Variants in SPG21 observed in about 807,000 individuals in gnomAD.
SPG21 encodes SPG21 abhydrolase domain containing, maspardin.
Under a neutral mutation model 38.9 loss-of-function variants are expected in SPG21, and 26 were observed. The observed-to-expected ratio is 0.67, with a 90% CI of 0.49 to 0.93. The LOEUF is 0.93. Ranked by LOEUF, SPG21 falls within the 40% of genes least tolerant of loss-of-function variation. SPG21 has a pLI of 0.00. For synonymous variants in SPG21, 136 were observed against 128.9 expected, an observed-to-expected ratio of 1.05 and a Z score of -0.37; for missense variants, 333 against 376.5, an observed-to-expected ratio of 0.88 and a Z score of 0.96.
At chr15:64,984,913 C>T (rs2085959847) in intron 1 of SPG21, among the ~76,000 whole-genome samples, 2 of 151,986 alleles carry the variant, frequency 1.3e-5, no homozygotes, top group South Asian at 4.1e-4. Flanking sequence ...CTGCGCCCGG[C>T]TAATTTTTTG....
chr15:64,987,213 A>G (rs2086014634), intron 1 of SPG21: 1 of 152,244 alleles, frequency 6.6e-6, no homozygotes, highest in African/African-American at 2.4e-5. Context: ...CAGGATGCCA[A>G]CGTGTTAAAA....
At chr15:64,976,379 C>T in intron 4 of SPG21, 96 bp downstream of exon 4, 6 of 821,160 alleles carry the variant, frequency 7.3e-6, no homozygotes, top group Non-Finnish European at 1.2e-5. Context: ...GAGCCGAGAT[C>T]GCGCCACTGC....
intron 4 of SPG21, among the ~76,000 whole-genome samples, chr15:64,976,213 T>A (rs983420542): frequency 1.3e-5 from 2 of 151,516 alleles, no homozygotes; most frequent in Admixed American, 6.6e-5. Context: ...TCACTTGAGG[T>A]CAGGAGTTTG....
At position 64,963,452 on chromosome 15, in the gene SPG21, A is replaced by G. The variant is rs2085486117; in HGVS notation, c.*168T>C. 1 of 652,104 alleles carries G rather than the reference A, an allele frequency of 1.5e-6. No individual in the cohort carries two copies. Among genetic ancestry groups the G allele is most frequent in the Non-Finnish European group, 2.8e-6 (1 of 362,596 alleles). The allele number at this position is 652,104 out of a possible 1,614,324, so 40.4% of individuals were successfully genotyped here. On this transcript the variant is annotated 3_prime_UTR_variant, in exon 9 of 9. Coordinates refer to ENST00000204566, the MANE Select transcript of SPG21 (RefSeq NM_016630.7). ...AAAGAGGGAACAGTTACACAGGCTT[A>G]GTGGAGATGCCGCCTGTCATGAAGA...
chr15:64,973,290 G>C (rs1350484241), intron 5 of SPG21, among the ~76,000 whole-genome samples: 2 of 152,060 alleles, frequency 1.3e-5, no homozygotes, highest in Non-Finnish European at 2.9e-5. Flanking sequence ...TTTAAGGCTA[G>C]AGCCTCGCCT....
At chr15:64,984,449 C>T (rs2085947596) in intron 1 of SPG21, among the ~76,000 whole-genome samples, 1 of 152,124 alleles carries the variant, frequency 6.6e-6, no homozygotes, top group African/African-American at 2.4e-5. Context: ...ACCTCTGAGG[C>T]TCAAGTGATT....
chr15:64,978,449 A>G (rs1460561908), intron 3 of SPG21, among the ~76,000 whole-genome samples: 4 of 152,014 alleles, frequency 2.6e-5, no homozygotes, highest in Non-Finnish European at 5.9e-5. Flanking sequence ...CTCCATCTCC[A>G]AAAAACAAAA....
chr15:64,970,015 C>G, intron 6 of SPG21, 99 bp downstream of exon 6: 1 of 1,003,398 alleles, frequency 1.0e-6, no homozygotes, highest in Non-Finnish European at 1.6e-6. Flanking sequence ...TAGCAAATAC[C>G]TCTTACACAT....
chr15:64,971,874 G>C (rs1261816947), intron 5 of SPG21, among the ~76,000 whole-genome samples: 2 of 152,136 alleles, frequency 1.3e-5, no homozygotes, highest in Non-Finnish European at 2.9e-5. Flanking sequence ...ATCTTGCTCT[G>C]TTGCCCAGGC....
At chr15:64,976,021 T>G (rs1448581583) in intron 4 of SPG21, among the ~76,000 whole-genome samples, 1 of 152,172 alleles carries the variant, frequency 6.6e-6, no homozygotes, top group Non-Finnish European at 1.5e-5. Flanking sequence ...AAACATTGAC[T>G]GCAGTGATGG....
At chr15:64,974,519 G>A in intron 5 of SPG21, 83 bp downstream of exon 5, 1 of 1,514,286 alleles carries the variant, frequency 6.6e-7, no homozygotes, top group South Asian at 1.1e-5. Context: ...GTAGATATAA[G>A]TCTTCCCTTC....
At position 64,980,727 on chromosome 15, in the gene SPG21, G is replaced by A. The variant is rs2085866858; in HGVS notation, c.225+137C>T. The A allele has an allele frequency of 3.9e-6, 4 of 1,033,374 alleles. No individual in the cohort carries two copies. In the East Asian group the frequency reaches 1.1e-4, roughly 28 times the overall value. The allele number at this position is 1,033,374 out of a possible 1,614,324, so 64.0% of individuals were successfully genotyped here. ...CACTCCAGCCCGGGCGACAGAGTGA[G>A]AATCCATCTCAACAAACAAACAAAC... On this transcript the variant is annotated intron_variant, in intron 3 of 8. Coordinates refer to ENST00000204566, the MANE Select transcript of SPG21 (RefSeq NM_016630.7).
At chr15:64,984,572 C>G (rs185704031) in intron 1 of SPG21, among the ~76,000 whole-genome samples, 64 of 152,160 alleles carry the variant, frequency 4.2e-4, no homozygotes, top group African/African-American at 1.5e-3. Flanking sequence ...GCACTGGTCT[C>G]GAATTCCTAG....
chr15:64,976,407 A>ACTCT (rs1311428990), intron 4 of SPG21, 68 bp downstream of exon 4: 1 of 1,134,356 alleles, frequency 8.8e-7, no homozygotes, highest in East Asian at 2.4e-5. Context: ...CCTGGGTGAC[A>ACTCT]GAGTGAGACT....
chr15:64,964,571 C>T (rs1028610139), intron 8 of SPG21, among the ~76,000 whole-genome samples: 2 of 152,172 alleles, frequency 1.3e-5, no homozygotes, highest in East Asian at 1.9e-4. Context: ...TCACCCCTCA[C>T]TGCTATTCTA....
Position 64,980,951 on chromosome 15 carries a change from G to A in SPG21, c.138C>T (p.Leu46=), listed in dbSNP as rs1229037004. ...TTCCACTGACAGGGGGCAGGAATAT[G>A]AGAGGACACCTGATACTTCGGGGGC... is the stretch of plus-strand genomic sequence containing the variant. The part of the protein sequence containing the change: ...DAGPRSIRCP[L]IFLPPVSGTA... Residue 46 remains leucine, a synonymous_variant, in exon 3 of 9, where the codon CTC becomes CTT. Transcript: ENST00000204566. 6.2e-7 allele frequency: 1 copy of A among 1,614,120 alleles called. No individual in the cohort carries two copies. The highest frequency in any genetic ancestry group is 8.5e-7 in the Non-Finnish European group (1 of 1,180,018).
At chr15:64,984,621 G>A (rs1421167887) in intron 1 of SPG21, among the ~76,000 whole-genome samples, 1 of 152,124 alleles carries the variant, frequency 6.6e-6, no homozygotes, top group Non-Finnish European at 1.5e-5. Flanking sequence ...CAAAGTGCTG[G>A]GATTACGGGT....
intron 5 of SPG21, among the ~76,000 whole-genome samples, chr15:64,973,537 C>T (rs150537216): frequency 4.6e-5 from 7 of 152,016 alleles, no homozygotes; most frequent in African/African-American, 9.6e-5. Flanking sequence ...CCACAACCTC[C>T]GCATCCTGGG....
At chr15:64,972,477 T>C (rs1044187936) in intron 5 of SPG21, among the ~76,000 whole-genome samples, 2 of 152,202 alleles carry the variant, frequency 1.3e-5, no homozygotes, top group Non-Finnish European at 2.9e-5. Flanking sequence ...ATTTGTAAAG[T>C]AGCTAATGTA....
Sources: allele counts gnomAD v4.1 joint callset (sites outside exome capture counted in the v4.1 genomes callset), GRCh38; gene constraint gnomAD v4.1.1; transcripts MANE v1.5; gene names NCBI Gene and HGNC (gene_info 2026-07-23, HGNC 2026-07-21).